Variants in MAGEA4 observed in about 807,000 individuals in gnomAD.
The protein encoded by MAGEA4 is MAGE family member A4.
A neutral mutation model predicts 13.7 loss-of-function variants in MAGEA4; 1 was observed. The observed-to-expected ratio is 0.07, with a 90% CI of 0.03 to 0.35. The LOEUF (loss-of-function observed/expected upper bound fraction) is 0.35, where lower values mean the gene tolerates loss of function less well. Ranked by LOEUF, MAGEA4 falls within the 10% of genes least tolerant of loss-of-function variation. MAGEA4 has a pLI of 0.99. For synonymous variants in MAGEA4, 132 were observed against 101.1 expected (o/e 1.31, Z -1.83); for missense variants, 312 against 245.1 (o/e 1.27, Z -1.82).
intron 1 of MAGEA4, chrX:151,917,667 CTG>C (rs1268114942): frequency 5.0e-6 from 1 of 199,974 alleles, no homozygotes; most frequent in Non-Finnish European, 6.7e-6. Flanking sequence ...AGGCCAGGCC[CTG>C]TGAGGAGTCA....
chrX:151,917,629 C>A (rs911150301), intron 1 of MAGEA4: 1 of 214,649 alleles, frequency 4.7e-6, no homozygotes, highest in African/African-American at 4.5e-5. Flanking sequence ...GCTGTCTGAC[C>A]AGCAGCTTGG....
intron 1 of MAGEA4, among the ~76,000 whole-genome samples, chrX:151,920,124 G>C (rs1484299037): frequency 2.9e-5 from 3 of 103,535 alleles, no homozygotes; most frequent in Non-Finnish European, 5.9e-5. Flanking sequence ...CATCCAGGTT[G>C]AATCGCATTC....
chrX:151,913,584 T>C, intron 1 of MAGEA4: 1 of 745,603 alleles, frequency 1.3e-6, no homozygotes, highest in Non-Finnish European at 1.6e-6. Flanking sequence ...CTGTGAGGAG[T>C]CAAGGTGAGA....
rs1233346748 is a variant in MAGEA4 at position 151,924,711 on chromosome X, A to G, written c.*93A>G. The G allele has an allele frequency of 4.3e-6, 4 of 933,676 alleles. No homozygotes were observed. The East Asian group carries it at 9.5e-5, about 22-fold the overall frequency. The allele number at this position is 933,676 out of a possible 1,213,427, so 76.9% of individuals were successfully genotyped here. A position where few individuals can be genotyped will look rare whatever the true frequency, so the allele number is the denominator to read the frequency against. On this transcript the variant is annotated 3_prime_UTR_variant, in exon 3 of 3. Transcript: ENST00000276344. ...AGCAGCTTCCCTTGCCTCGTGTAAC[A>G]TGAGGCCCATTCTTCACTCTGTTTG...
In MAGEA4 at chrX:151,919,568, G is replaced by GT. The variant is rs770411291; in HGVS notation, c.-137-3883dup. Reference sequence around the variant, plus strand: ...CCCACCCCCATCCACGCTGAATCGGGTTCTGCTTCCGCTTTCAACCCAAGA... The same window carrying GT: ...CCCACCCCCATCCACGCTGAATCGGGTTTCTGCTTCCGCTTTCAACCCAAGA... On this transcript the variant is annotated intron_variant, in intron 1 of 2. Transcript: ENST00000276344. 1.7e-5 allele frequency: 11 copies of GT among 663,168 alleles called. No homozygotes were observed. The African/African-American group carries it at 2.6e-4, about 15-fold the overall frequency. 54.7% of individuals were successfully genotyped at this position (663,168 alleles called of 1,213,427 possible). A position where few individuals can be genotyped will look rare whatever the true frequency, so the allele number is the denominator to read the frequency against.
chrX:151,922,689 C>A (rs1339595903), intron 1 of MAGEA4, among the ~76,000 whole-genome samples: 1 of 111,566 alleles, frequency 9.0e-6, no homozygotes, highest in Non-Finnish European at 1.9e-5. Flanking sequence ...GATGATGACC[C>A]CACAGAAATC....
At chrX:151,919,584 C>G (rs1933305266) in intron 1 of MAGEA4, 1 of 715,572 alleles carries the variant, frequency 1.4e-6, no homozygotes. Flanking sequence ...CTTCCGCTTT[C>G]AACCCAAGAA....
chrX:151,924,155 G>C lies in MAGEA4; in HGVS notation c.491G>C (p.Gly164Ala). 8.3e-7 allele frequency: 1 copy of C among 1,212,026 alleles called. No individual in the cohort carries two copies. The highest frequency in any genetic ancestry group is 1.1e-6 in the Non-Finnish European group (1 of 895,606). ...TCCGAGTCCCTGAAGATGATCTTTG[G>C]CATTGACGTGAAGGAAGTGGACCCC... is the stretch of plus-strand genomic sequence containing the variant. ...KASESLKMIFGIDVKEVDPAS... is the reference protein window; with the variant it reads ...KASESLKMIFAIDVKEVDPAS... The change falls in exon 3 of 3, where the codon GGC (glycine) becomes GCC (alanine). Residue 164 changes from glycine to alanine, a missense_variant. Coordinates refer to ENST00000276344, the MANE Select transcript of MAGEA4 (RefSeq NM_001011548.1).
rs890920347 is a variant in MAGEA4 at position 151,918,925 on chromosome X, C to T, written c.-137-4528C>T. On this transcript the variant is annotated intron_variant, in intron 1 of 2. Transcript: ENST00000276344. ...TCAACCCAAGAAAGCCCCAGGGGCC[C>T]GGATGTGATGCCACTGACTTGCGCA... is the stretch of plus-strand genomic sequence containing the variant. The T allele has an allele frequency of 2.7e-5, 20 of 741,988 alleles. No homozygotes were observed. In the South Asian group the frequency reaches 2.8e-4, roughly 10 times the overall value. 61.1% of individuals were successfully genotyped at this position (741,988 alleles called of 1,213,427 possible).
chrX:151,918,074 C>T (rs1933156014), intron 1 of MAGEA4, among the ~76,000 whole-genome samples: 3 of 54,001 alleles, frequency 5.6e-5, no homozygotes, highest in Admixed American at 2.2e-4. Context: ...AAAACCGGGG[C>T]CCCTCCACCA....
In MAGEA4 at chrX:151,923,954, G is replaced by T. The variant is rs1263001898; in HGVS notation, c.290G>T (p.Ser97Ile). Residue 97 changes from serine to isoleucine, a missense_variant, in exon 3 of 3, where the codon AGC becomes ATC. Transcript: ENST00000276344. ...GSSSQEEEGPSTSPDAESLFR... is the reference protein window; with the variant it reads ...GSSSQEEEGPITSPDAESLFR... ...AGCAGCCAAGAAGAGGAGGGGCCAA[G>T]CACCTCGCCTGACGCAGAGTCCTTG... is the stretch of plus-strand genomic sequence containing the variant. 1.7e-6 allele frequency: 2 copies of T among 1,211,508 alleles called. No individual in the cohort carries two copies. Among genetic ancestry groups the T allele is most frequent in the East Asian group, 5.9e-5 (2 of 33,843 alleles).
chrX:151,922,064 C>T (rs1933469261), intron 1 of MAGEA4, among the ~76,000 whole-genome samples: 2 of 110,742 alleles, frequency 1.8e-5, no homozygotes, highest in Admixed American at 9.5e-5. Flanking sequence ...GCTCATACTT[C>T]CTGCATCTTC....
At position 151,924,044 on chromosome X, in the gene MAGEA4, C is replaced by T. The variant is rs1004465742; in HGVS notation, c.380C>T (p.Ala127Val). 7 of 1,211,975 alleles carry T rather than the reference C, an allele frequency of 5.8e-6. No individual in the cohort carries two copies. The highest frequency in any genetic ancestry group is 3.5e-5 in the South Asian group (2 of 56,991). The change falls in exon 3 of 3, where the codon GCC becomes GTC. Residue 127 changes from alanine (A) to valine (V), a missense_variant. Physicochemically the swap from Ala to Val is moderately conservative, Grantham distance 64. Transcript: ENST00000276344. ...LAHFLLRKYR[A>V]KELVTKAEML... ...CATTTTCTGCTCCGCAAGTATCGAG[C>T]CAAGGAGCTGGTCACAAAGGCAGAA...
Position 151,923,614 on chromosome X carries a change from A to T in MAGEA4, c.-51A>T, listed in dbSNP as rs144129975. On this transcript the variant is annotated 5_prime_UTR_variant, in exon 3 of 3. Transcript: ENST00000276344. ...TCTCTCCGTAGGCCTGTGGGTCCCC[A>T]TTGCCCAGCTTTTGCCTGCACTCTT... 3 of 1,210,939 alleles carry T rather than the reference A, an allele frequency of 2.5e-6. No homozygotes were observed. In the East Asian group the frequency reaches 8.9e-5, roughly 36 times the overall value.
chrX:151,924,744 TA>T lies in MAGEA4; in HGVS notation c.*127del. On this transcript the variant is annotated 3_prime_UTR_variant, in exon 3 of 3. Coordinates refer to ENST00000276344, the MANE Select transcript of MAGEA4 (RefSeq NM_001011548.1). ...CATTCTTCACTCTGTTTGAAGAAAA[TA>T]GTCAGTGTTCTTAGTAGTGGGTTTC... 1 of 703,331 alleles carries T rather than the reference TA, an allele frequency of 1.4e-6. No individual in the cohort carries two copies. The highest frequency in any genetic ancestry group is 3.9e-5 in the Admixed American group (1 of 25,479). 58.0% of individuals were successfully genotyped at this position (703,331 alleles called of 1,213,427 possible). A position where few individuals can be genotyped will look rare whatever the true frequency, so the allele number is the denominator to read the frequency against.
At chrX:151,919,807 T>A (rs1158013149) in intron 1 of MAGEA4, 23 of 726,961 alleles carry the variant, frequency 3.2e-5, no homozygotes, top group Middle Eastern at 8.0e-4. Context: ...CTCCCAGCCC[T>A]GGGCCACTCG....
intron 1 of MAGEA4, chrX:151,919,093 T>C (rs2124093680): frequency 1.4e-6 from 1 of 739,696 alleles, no homozygotes; most frequent in East Asian, 1.6e-4. Flanking sequence ...CGACCCCAAA[T>C]AATCCCGCAC....
At chrX:151,920,727 C>T in intron 1 of MAGEA4, among the ~76,000 whole-genome samples, 1 of 105,043 alleles carries the variant, frequency 9.5e-6, no homozygotes, top group East Asian at 3.0e-4. Context: ...TCCAGGCAAG[C>T]CCTGGGTGGC....
intron 1 of MAGEA4, chrX:151,919,770 A>G: frequency 1.3e-6 from 1 of 746,249 alleles, no homozygotes; most frequent in African/African-American, 2.3e-5. Flanking sequence ...CAGATAGACA[A>G]TCCCAAATAA....
Sources: gnomAD v4.1 joint callset for allele counts (sites outside exome capture counted in the v4.1 genomes callset) on GRCh38, gnomAD v4.1.1 for gene constraint, MANE v1.5 for transcripts, NCBI Gene and HGNC (gene_info 2026-07-23, HGNC 2026-07-21) for gene names.